The following NEK9 variants were observed in gnomAD, a reference collection of about 807,000 sequenced individuals.
The protein encoded by NEK9 is NIMA related kinase 9, also known as serine/threonine-protein kinase Nek9.
NEK9 carries 75 observed loss-of-function variants against 123.4 expected under a neutral mutation model. The observed-to-expected ratio is 0.61, with a 90% confidence interval of 0.50 to 0.74. NEK9 has a LOEUF of 0.74. NEK9 is among the 30% of genes least tolerant of loss of function. The probability of loss-of-function intolerance (pLI) is 0.00; values close to 1 mark genes in which losing one functional copy is unlikely to be tolerated. For missense variants in NEK9, 952 were observed against 1,214.4 expected, an observed-to-expected ratio of 0.78 and a Z score of 3.21; for synonymous variants, 438 against 458.7, an observed-to-expected ratio of 0.95 and a Z score of 0.58.
rs775810942 is a variant in NEK9 at position 75,087,117 on chromosome 14, C to T, written c.2718G>A (p.Val906=). The change falls in exon 21 of 22, where the codon GTG becomes GTA. Residue 906 remains valine, a synonymous_variant. Transcript: ENST00000238616. ...TCTGTTGTTCAGCCAGACACTTTAA[C>T]ACCAGACCCTGCAATCTCTCAACCT... ...QVEVERLQGL[V]LKCLAEQQKL... is the part of the protein sequence containing the mutation. The T allele has an allele frequency of 7.4e-6, 12 of 1,614,186 alleles. No homozygotes were observed. The highest frequency in any genetic ancestry group is 2.2e-5 in the East Asian group (1 of 44,886).
intron 14 of NEK9, among the ~76,000 whole-genome samples, chr14:75,102,490 G>A (rs566818333): frequency 2.0e-5 from 3 of 150,608 alleles, no homozygotes; most frequent in Non-Finnish European, 3.0e-5. Context: ...TGGGACTACC[G>A]GTGCCCGCCA....
In NEK9 at chr14:75,126,973, G is replaced by C. The variant is rs1003891839; in HGVS notation, c.-52C>G. ...AGCCTGCGTATGCCCGGAGGCCCTG[G>C]CCGCGCTGCGTCCCGCTCGCTTCAG... On this transcript the variant is annotated 5_prime_UTR_variant, in exon 1 of 22. Transcript: ENST00000238616. The C allele has an allele frequency of 4.4e-6, 6 of 1,360,936 alleles. No homozygotes were observed. The highest frequency in any genetic ancestry group is 4.7e-4 in the Middle Eastern group (2 of 4,280). 84.3% of individuals were successfully genotyped at this position (1,360,936 alleles called of 1,614,324 possible). A position where few individuals can be genotyped will look rare whatever the true frequency, so the allele number is the denominator to read the frequency against.
chr14:75,108,236 T>G (rs975547628), intron 10 of NEK9, among the ~76,000 whole-genome samples: 1 of 151,946 alleles, frequency 6.6e-6, no homozygotes, highest in Non-Finnish European at 1.5e-5. Flanking sequence ...GCGATTCTCC[T>G]GCCTCAGCCT....
At position 75,126,981 on chromosome 14, in the gene NEK9, G is replaced by A. The variant is rs1322907825; in HGVS notation, c.-60C>T. 3.0e-6 allele frequency: 4 copies of A among 1,342,844 alleles called. No homozygotes were observed. Among genetic ancestry groups the A allele is most frequent in the Non-Finnish European group, 3.9e-6 (4 of 1,024,068 alleles). The allele number at this position is 1,342,844 out of a possible 1,614,324, so 83.2% of individuals were successfully genotyped here. ...TATGCCCGGAGGCCCTGGCCGCGCTGCGTCCCGCTCGCTTCAGATGCCGGC... is the reference window on the plus strand; with the variant it reads ...TATGCCCGGAGGCCCTGGCCGCGCTACGTCCCGCTCGCTTCAGATGCCGGC... On this transcript the variant is annotated 5_prime_UTR_variant, in exon 1 of 22. Transcript: ENST00000238616.
At chr14:75,108,801 C>T (rs564880895) in intron 10 of NEK9, among the ~76,000 whole-genome samples, 2 of 152,244 alleles carry the variant, frequency 1.3e-5, no homozygotes, top group South Asian at 2.1e-4. Flanking sequence ...ACAATCCACT[C>T]GCCTTGGCCT....
chr14:75,113,330 A>G lies in NEK9; in HGVS notation c.938+9T>C. 6.2e-7 allele frequency: 1 copy of G among 1,608,798 alleles called. No individual in the cohort carries two copies. The highest frequency in any genetic ancestry group is 1.1e-5 in the South Asian group (1 of 90,920). On this transcript the variant is annotated intron_variant, in intron 8 of 21. Coordinates refer to ENST00000238616, the MANE Select transcript of NEK9 (RefSeq NM_033116.6). ...GAAAAGACAATGGAGTGACTTCTTC[A>G]TAATTTACCTCCTGCGTTTCCTGAG... is the stretch of plus-strand genomic sequence containing the variant.
In NEK9 at chr14:75,084,349, G is replaced by A; in HGVS notation, c.*215C>T. ...TGATGACAAAGCCAGGGCCATGGGG[G>A]CCCTTCCATTCTCCAAAACAATAAA... On this transcript the variant is annotated 3_prime_UTR_variant, in exon 22 of 22. Transcript: ENST00000238616. The A allele has an allele frequency of 1.7e-6, 1 of 580,278 alleles. No individual in the cohort carries two copies. Among genetic ancestry groups the A allele is most frequent in the Non-Finnish European group, 3.1e-6 (1 of 325,258 alleles). 35.9% of individuals were successfully genotyped at this position (580,278 alleles called of 1,614,324 possible). A position where few individuals can be genotyped will look rare whatever the true frequency, so the allele number is the denominator to read the frequency against.
chr14:75,092,113 G>C (rs774093966), intron 18 of NEK9, among the ~76,000 whole-genome samples: 14 of 151,834 alleles, frequency 9.2e-5, no homozygotes, highest in Non-Finnish European at 1.8e-4. Flanking sequence ...CCGAGTAGCT[G>C]GGATTACAGG....
chr14:75,095,500 G>C, intron 17 of NEK9, 69 bp from the exon 18 acceptor site: 1 of 982,702 alleles, frequency 1.0e-6, no homozygotes, highest in Non-Finnish European at 1.6e-6. Context: ...AGAAGACTAG[G>C]ATAGGGAGAT....
At chr14:75,110,638 C>T (rs148167181) in intron 8 of NEK9, among the ~76,000 whole-genome samples, 1 of 152,032 alleles carries the variant, frequency 6.6e-6, no homozygotes, top group African/African-American at 2.4e-5. Flanking sequence ...AACAGAGAGC[C>T]TTGAGAACCT....
intron 20 of NEK9, among the ~76,000 whole-genome samples, chr14:75,087,742 T>C (rs1251669338): frequency 6.6e-6 from 1 of 152,264 alleles, no homozygotes; most frequent in Admixed American, 6.5e-5. Flanking sequence ...TTACCTCTTC[T>C]GGGAAGCTTT....
chr14:75,100,928 C>T, intron 16 of NEK9, 64 bp downstream of exon 16: 6 of 1,516,574 alleles, frequency 4.0e-6, no homozygotes, highest in Non-Finnish European at 5.4e-6. Flanking sequence ...CCATTTCTTT[C>T]CCAGCCAAGA....
At position 75,105,956 on chromosome 14, in the gene NEK9, T is replaced by G; in HGVS notation, c.1569A>C (p.Pro523=). 6.2e-7 allele frequency: 1 copy of G among 1,613,056 alleles called. No homozygotes were observed. The part of the protein sequence containing the change: ...GLDSEEDYYT[P]QKVDVPKALI... ...AAGTTGCTTCTGATTTTACCTTTTG[T>G]GGTGTATAATAATCCTCTTCTGAAT... Residue 523 remains proline (P), a synonymous_variant, in exon 13 of 22, where the codon CCA becomes CCC. Coordinates refer to ENST00000238616, the MANE Select transcript of NEK9 (RefSeq NM_033116.6).
At chr14:75,124,875 A>T (rs1442883747) in intron 1 of NEK9, among the ~76,000 whole-genome samples, 4 of 150,648 alleles carry the variant, frequency 2.7e-5, no homozygotes, top group African/African-American at 9.8e-5. Context: ...GGCTGAAGCA[A>T]TCCTCCCACC....
chr14:75,121,259 G>A, intron 2 of NEK9, 85 bp from the exon 3 acceptor site: 2 of 964,532 alleles, frequency 2.1e-6, no homozygotes, highest in South Asian at 1.5e-5. Context: ...GGTGACACAA[G>A]GAAATGAAGG....
chr14:75,082,229 C>G lies in NEK9; in HGVS notation c.*2335G>C, dbSNP rs1893886744. On this transcript the variant is annotated 3_prime_UTR_variant, in exon 22 of 22. Coordinates refer to ENST00000238616, the MANE Select transcript of NEK9 (RefSeq NM_033116.6). Reference sequence around the variant, plus strand: ...TAGTTCTTCTGCAACAATGTTAGAGCAGAGGAGTAACTCAGGTTATACTGT... The same window carrying G: ...TAGTTCTTCTGCAACAATGTTAGAGGAGAGGAGTAACTCAGGTTATACTGT... The G allele has an allele frequency of 6.6e-6, 1 of 152,168 alleles. No individual in the cohort carries two copies. Among genetic ancestry groups the G allele is most frequent in the African/African-American group, 2.4e-5 (1 of 41,444 alleles). 9.4% of individuals were successfully genotyped at this position (152,168 alleles called of 1,614,324 possible). A position where few individuals can be genotyped will look rare whatever the true frequency, so the allele number is the denominator to read the frequency against.
In NEK9 at chr14:75,114,251, G is replaced by A. The variant is rs1230968468; in HGVS notation, c.825C>T (p.Ser275=). The change falls in exon 7 of 22, where the codon AGC becomes AGT. Residue 275 remains serine, a synonymous_variant. Coordinates refer to ENST00000238616, the MANE Select transcript of NEK9 (RefSeq NM_033116.6). ...TTTGGATCAATTCCAAAGAGTACTGGCTAGAGTCAACTTCCATGGCCCGAA... is the reference window on the plus strand; with the variant it reads ...TTTGGATCAATTCCAAAGAGTACTGACTAGAGTCAACTTCCATGGCCCGAA... The part of the protein sequence containing the change: ...QGIRAMEVDS[S]QYSLELIQMV... 6 of 1,614,060 alleles carry A rather than the reference G, an allele frequency of 3.7e-6. No individual in the cohort carries two copies. The South Asian group carries it at 4.4e-5, about 12-fold the overall frequency.
rs962720533 is a variant in NEK9 at position 75,080,975 on chromosome 14, ACT to A, written c.*3587_*3588del. The A allele has an allele frequency of 4.7e-5, 6 of 126,958 alleles. No homozygotes were observed. Among genetic ancestry groups the A allele is most frequent in the Non-Finnish European group, 8.1e-5 (5 of 61,544 alleles). 7.9% of individuals were successfully genotyped at this position (126,958 alleles called of 1,614,324 possible). On this transcript the variant is annotated 3_prime_UTR_variant, in exon 22 of 22. Coordinates refer to ENST00000238616, the MANE Select transcript of NEK9 (RefSeq NM_033116.6). Reference sequence around the variant, plus strand: ...TTTTTTATTTTTGAGATGGAGTCTCACTCTGTCGCCCAGGCTGGAGTACCGTG... The same window carrying A: ...TTTTTTATTTTTGAGATGGAGTCTCACTGTCGCCCAGGCTGGAGTACCGTG...
intron 2 of NEK9, among the ~76,000 whole-genome samples, chr14:75,122,444 A>G (rs1382511274): frequency 6.6e-6 from 1 of 152,202 alleles, no homozygotes; most frequent in Non-Finnish European, 1.5e-5. Flanking sequence ...AGTATGTAGC[A>G]AACACTTTCT....
Sources: allele counts gnomAD v4.1 joint callset (sites outside exome capture counted in the v4.1 genomes callset), GRCh38; gene constraint gnomAD v4.1.1; transcripts MANE v1.5; gene names NCBI Gene and HGNC (gene_info 2026-07-23, HGNC 2026-07-21).